The following PCCB variants were observed in gnomAD, a reference collection of about 807,000 sequenced individuals.
PCCB encodes propionyl-CoA carboxylase beta chain, mitochondrial.
In PCCB, 43 loss-of-function variants were observed where a neutral mutation model predicts 60.7. The observed-to-expected ratio is 0.71, with a 90% confidence interval of 0.55 to 0.91. PCCB has a LOEUF of 0.91. Ranked by LOEUF, PCCB falls within the 40% of genes least tolerant of loss-of-function variation. The pLI, the probability that PCCB is intolerant of heterozygous loss-of-function variation, is 0.00. For missense variants in PCCB, 766 were observed against 702.8 expected, an observed-to-expected ratio of 1.09 and a Z score of -1.02; for synonymous variants, 276 against 255.9, an observed-to-expected ratio of 1.08 and a Z score of -0.75.
At chr3:136,319,547 G>A (rs375401566) in intron 10 of PCCB, among the ~76,000 whole-genome samples, 2 of 152,018 alleles carry the variant, frequency 1.3e-5, no homozygotes, top group South Asian at 4.1e-4. Context: ...ACAGGCATGT[G>A]CCACCATGCT....
intron 6 of PCCB, among the ~76,000 whole-genome samples, chr3:136,290,222 AT>A (rs1323454397): frequency 6.6e-6 from 1 of 152,114 alleles, no homozygotes; most frequent in Non-Finnish European, 1.5e-5. Context: ...CTGGCAGGAG[AT>A]TACCTCAAGT....
intron 5 of PCCB, among the ~76,000 whole-genome samples, chr3:136,264,407 TTCTGTC>T: frequency 6.7e-6 from 1 of 149,616 alleles, no homozygotes; most frequent in Non-Finnish European, 1.5e-5. Context: ...CTCTCGCTCT[TTCTGTC>T]TCTGTCTCTC....
At chr3:136,282,830 T>A (rs1942515677) in intron 5 of PCCB, among the ~76,000 whole-genome samples, 1 of 152,222 alleles carries the variant, frequency 6.6e-6, no homozygotes, top group East Asian at 1.9e-4. Flanking sequence ...GGTGGCAGCC[T>A]TGGTTAAGAA....
At chr3:136,260,033 C>T (rs988559446) in intron 3 of PCCB, 12 of 256,804 alleles carry the variant, frequency 4.7e-5, no homozygotes, top group African/African-American at 1.2e-4. Context: ...ATTACAGGTG[C>T]GAGCCACCAT....
chr3:136,259,817 A>G (rs1273277033), intron 3 of PCCB, among the ~76,000 whole-genome samples: 3 of 152,144 alleles, frequency 2.0e-5, no homozygotes, highest in African/African-American at 4.8e-5. Flanking sequence ...CACTGGAGCA[A>G]TCTCTGCCCA....
At chr3:136,274,930 C>T (rs927056472) in intron 5 of PCCB, among the ~76,000 whole-genome samples, 1 of 151,924 alleles carries the variant, frequency 6.6e-6, no homozygotes, top group Non-Finnish European at 1.5e-5. Flanking sequence ...CACACCTCTG[C>T]CTCCTGAGTA....
chr3:136,326,408 G>C, intron 10 of PCCB: 1 of 702,796 alleles, frequency 1.4e-6, no homozygotes, highest in Admixed American at 2.0e-5. Context: ...AGGTCAAAAG[G>C]CAAAGTAATT....
intron 3 of PCCB, among the ~76,000 whole-genome samples, chr3:136,257,465 T>G (rs1476781164): frequency 1.3e-5 from 2 of 152,222 alleles, no homozygotes. Flanking sequence ...TATAGAACTA[T>G]AAGATAATAC....
At position 136,326,784 on chromosome 3, in the gene PCCB, A is replaced by T; in HGVS notation, c.1091-19A>T. 6.6e-7 allele frequency: 1 copy of T among 1,505,478 alleles called. No homozygotes were observed. The highest frequency in any genetic ancestry group is 9.3e-7 in the Non-Finnish European group (1 of 1,080,866). The allele number at this position is 1,505,478 out of a possible 1,614,324, so 93.3% of individuals were successfully genotyped here. A position where few individuals can be genotyped will look rare whatever the true frequency, so the allele number is the denominator to read the frequency against. On this transcript the variant is annotated intron_variant, in intron 10 of 14. Transcript: ENST00000251654. ...GGAATTGCCTGGATACTCAGTATGG[A>T]TAATCTCTCTCTTTCTAGGATGCTT...
chr3:136,271,996 T>G (rs1454721172), intron 5 of PCCB, among the ~76,000 whole-genome samples: 1 of 152,192 alleles, frequency 6.6e-6, no homozygotes, highest in Non-Finnish European at 1.5e-5. Context: ...TGGCTGTGGG[T>G]TTATCATATA....
chr3:136,259,814 G>A (rs943703407), intron 3 of PCCB, among the ~76,000 whole-genome samples: 1 of 151,986 alleles, frequency 6.6e-6, no homozygotes, highest in Admixed American at 6.5e-5. Flanking sequence ...GTGCACTGGA[G>A]CAATCTCTGC....
At chr3:136,273,911 CAAAAA>C (rs34690853) in intron 5 of PCCB, among the ~76,000 whole-genome samples, 61 of 55,516 alleles carry the variant, frequency 1.1e-3, no homozygotes, top group African/African-American at 3.4e-3. Flanking sequence ...GACTCTGTCT[CAAAAA>C]AAAAAAAAAA....
At chr3:136,289,950 A>G (rs566051806) in intron 6 of PCCB, among the ~76,000 whole-genome samples, 1 of 152,256 alleles carries the variant, frequency 6.6e-6, no homozygotes, top group South Asian at 2.1e-4. Context: ...CATATGATAT[A>G]TATAAAATAT....
At chr3:136,301,326 G>A (rs1934271619) in intron 9 of PCCB, among the ~76,000 whole-genome samples, 1 of 152,132 alleles carries the variant, frequency 6.6e-6, no homozygotes, top group Non-Finnish European at 1.5e-5. Flanking sequence ...GGACTTGAGG[G>A]CTGGAGATAG....
intron 10 of PCCB, 130 bp downstream of exon 10, chr3:136,317,194 T>C: frequency 1.3e-6 from 1 of 780,204 alleles, no homozygotes; most frequent in East Asian, 2.7e-5. Context: ...AAAATCTAAA[T>C]GGTTGTTATA....
At chr3:136,259,204 C>T (rs756629698) in intron 3 of PCCB, 27 of 1,417,592 alleles carry the variant, frequency 1.9e-5, no homozygotes, top group Middle Eastern at 1.8e-4. Flanking sequence ...CAGTGGCTCC[C>T]GCTTGTCATC....
At chr3:136,329,246 C>T (rs1935448609) in intron 14 of PCCB, among the ~76,000 whole-genome samples, 1 of 152,196 alleles carries the variant, frequency 6.6e-6, no homozygotes, top group Non-Finnish European at 1.5e-5. Context: ...GGATCACCCA[C>T]ACAGGTATAG....
chr3:136,262,494 A>G (rs762952115), intron 5 of PCCB, among the ~76,000 whole-genome samples: 2 of 152,226 alleles, frequency 1.3e-5, no homozygotes, highest in Non-Finnish European at 2.9e-5. Flanking sequence ...GCAAAGAAGA[A>G]TGAAATCACC....
intron 4 of PCCB, 105 bp downstream of exon 4, chr3:136,260,640 G>T: frequency 4.3e-6 from 4 of 937,746 alleles, no homozygotes; most frequent in Non-Finnish European, 6.8e-6. Flanking sequence ...TTGGGGTAGG[G>T]CAGAGGTATG....
Sources: allele counts gnomAD v4.1 joint callset (sites outside exome capture counted in the v4.1 genomes callset), GRCh38; gene constraint gnomAD v4.1.1; transcripts MANE v1.5; gene names NCBI Gene and HGNC (gene_info 2026-07-23, HGNC 2026-07-21).